NEK11: variants seen among roughly 807,000 people sequenced by gnomAD.
NEK11 encodes serine/threonine-protein kinase Nek11.
NEK11 carries 72 observed loss-of-function variants against 80.7 expected under a neutral mutation model. The ratio of observed to expected loss-of-function variants is 0.89; its 90% CI spans 0.74 to 1.08. NEK11 has a LOEUF of 1.08. NEK11 is among the 50% of genes least tolerant of loss of function. The pLI, the probability that NEK11 is intolerant of heterozygous loss-of-function variation, is 0.00. For synonymous variants in NEK11, 251 were observed against 260.7 expected (o/e 0.96, Z 0.36); for missense variants, 764 against 763.6 (o/e 1.00, Z -0.01).
intron 3 of NEK11, among the ~76,000 whole-genome samples, chr3:131,054,794 G>GAATGAATA: frequency 8.6e-6 from 1 of 116,154 alleles, no homozygotes; most frequent in African/African-American, 3.4e-5. Flanking sequence ...ATAAATAAAT[G>GAATGAATA]AATGAATGTA....
chr3:131,341,306 ATTATT>A (rs2097282256), intron 17 of NEK11, among the ~76,000 whole-genome samples: 1 of 152,210 alleles, frequency 6.6e-6, no homozygotes, highest in Non-Finnish European at 1.5e-5. Flanking sequence ...TTTAGAATGT[ATTATT>A]TTAAAATTTA....
chr3:131,279,616 T>C (rs1263058911), intron 17 of NEK11, among the ~76,000 whole-genome samples: 1 of 152,188 alleles, frequency 6.6e-6, no homozygotes. Context: ...CCTCCCACCA[T>C]ACCCTGTACC....
intron 7 of NEK11, among the ~76,000 whole-genome samples, chr3:131,145,633 T>G (rs1215913380): frequency 6.6e-6 from 1 of 152,150 alleles, no homozygotes; most frequent in Non-Finnish European, 1.5e-5. Flanking sequence ...GGGCTAGCCC[T>G]GATTTCCAAC....
At chr3:131,090,865 A>G (rs901637217) in intron 4 of NEK11, among the ~76,000 whole-genome samples, 1 of 152,068 alleles carries the variant, frequency 6.6e-6, no homozygotes, top group African/African-American at 2.4e-5. Flanking sequence ...CCTGGACTCA[A>G]ATGCTCTTCC....
chr3:131,036,731 C>T (rs2065707169), intron 3 of NEK11, among the ~76,000 whole-genome samples: 1 of 152,148 alleles, frequency 6.6e-6, no homozygotes, highest in South Asian at 2.1e-4. Context: ...TGGCTCCCCC[C>T]TACCCCAGAG....
chr3:131,169,311 A>G (rs1300418416), intron 13 of NEK11, among the ~76,000 whole-genome samples: 1 of 152,158 alleles, frequency 6.6e-6, no homozygotes, highest in African/African-American at 2.4e-5. Context: ...GCTACTTTAT[A>G]TTTCAAAAGC....
chr3:131,170,320 G>A (rs1166192833), intron 13 of NEK11, among the ~76,000 whole-genome samples: 2 of 152,144 alleles, frequency 1.3e-5, no homozygotes, highest in Non-Finnish European at 2.9e-5. Context: ...TAGGAAATTG[G>A]AATTCATAGA....
Position 131,165,662 on chromosome 3 carries a change from G to A in NEK11, c.1176+143G>A. The A allele has an allele frequency of 6.5e-6, 4 of 614,528 alleles. No homozygotes were observed. The East Asian group carries it at 8.4e-5, about 13-fold the overall frequency. 38.1% of individuals were successfully genotyped at this position (614,528 alleles called of 1,614,324 possible). ...CCAATTCCAGGAAGGATTCTAGAAT[G>A]TAGGTCAACAGCTGGTGACAACGAT... On this transcript the variant is annotated intron_variant, in intron 12 of 17. Coordinates refer to ENST00000383366, the MANE Select transcript of NEK11 (RefSeq NM_024800.5).
intron 17 of NEK11, among the ~76,000 whole-genome samples, chr3:131,297,061 T>C (rs1266953350): frequency 2.0e-5 from 3 of 152,352 alleles, no homozygotes; most frequent in African/African-American, 7.2e-5. Flanking sequence ...CAGTCTATCA[T>C]TGTTGGACAT....
At chr3:131,335,632 A>G (rs2110188744) in intron 17 of NEK11, among the ~76,000 whole-genome samples, 1 of 152,242 alleles carries the variant, frequency 6.6e-6, no homozygotes, top group South Asian at 2.1e-4. Context: ...ATTAGGCAGC[A>G]GAAGGAAATA....
At chr3:131,229,840 T>G (rs532359850) in intron 15 of NEK11, among the ~76,000 whole-genome samples, 2 of 151,818 alleles carry the variant, frequency 1.3e-5, no homozygotes, top group African/African-American at 2.4e-5. Context: ...GACAAATACA[T>G]GAAGAGAGAA....
chr3:131,225,896 A>G (rs1341100600), intron 14 of NEK11, among the ~76,000 whole-genome samples: 24 of 152,252 alleles, frequency 1.6e-4, no homozygotes, highest in Non-Finnish European at 1.5e-5. Context: ...AAACATACAT[A>G]TATAAGCACA....
At position 131,120,283 on chromosome 3, in the gene NEK11, C is replaced by A. The variant is rs2082139657; in HGVS notation, c.455+10362C>A. Among the ~76,000 whole-genome samples, 5 of 152,172 alleles carry A rather than the reference C, an allele frequency of 3.3e-5. No homozygotes were observed. In the South Asian group the frequency reaches 1.0e-3, roughly 31 times the overall value. ...GAAATTCTGGGTTGAAAATTCTTTT[C>A]TTTAAGAATGTTGAATATTGGCCCC... On this transcript the variant is annotated intron_variant, in intron 5 of 17. Transcript: ENST00000383366.
At chr3:131,103,672 G>T (rs915429951) in intron 4 of NEK11, among the ~76,000 whole-genome samples, 1 of 152,134 alleles carries the variant, frequency 6.6e-6, no homozygotes, top group East Asian at 1.9e-4. Flanking sequence ...AGATGTTTGG[G>T]CTGCAGGGTT....
At chr3:131,249,784 C>G (rs2095667043) in intron 16 of NEK11, among the ~76,000 whole-genome samples, 1 of 152,096 alleles carries the variant, frequency 6.6e-6, no homozygotes, top group Non-Finnish European at 1.5e-5. Flanking sequence ...GGAATGAGCG[C>G]TACCAGTTGA....
chr3:131,250,576 A>G (rs1276964153), intron 16 of NEK11, among the ~76,000 whole-genome samples: 1 of 152,100 alleles, frequency 6.6e-6, no homozygotes, highest in East Asian at 1.9e-4. Context: ...AGAGGAAGAC[A>G]TGAACTTCAG....
At chr3:131,154,371 G>A (rs2090264258) in intron 9 of NEK11, among the ~76,000 whole-genome samples, 1 of 152,086 alleles carries the variant, frequency 6.6e-6, no homozygotes, top group African/African-American at 2.4e-5. Flanking sequence ...AAGTTAAGGG[G>A]ACACTAAAAT....
At chr3:131,277,800 TG>T (rs1268806869) in intron 17 of NEK11, among the ~76,000 whole-genome samples, 4 of 152,250 alleles carry the variant, frequency 2.6e-5, no homozygotes, top group Admixed American at 6.5e-5. Context: ...CCAAACTCTT[TG>T]GGCCTCAGAT....
intron 17 of NEK11, among the ~76,000 whole-genome samples, chr3:131,319,352 G>T (rs1469435031): frequency 6.6e-6 from 1 of 152,122 alleles, no homozygotes; most frequent in Non-Finnish European, 1.5e-5. Context: ...AAATAAGCAT[G>T]ATTCCTACTT....
Sources: gnomAD v4.1 joint callset for allele counts (sites outside exome capture counted in the v4.1 genomes callset) on GRCh38, gnomAD v4.1.1 for gene constraint, MANE v1.5 for transcripts, NCBI Gene and HGNC (gene_info 2026-07-23, HGNC 2026-07-21) for gene names.